PHRF1: variants seen among roughly 807,000 people sequenced by gnomAD.
PHRF1 encodes the protein PHD and ring finger domains 1.
Under a neutral mutation model 128.9 loss-of-function variants are expected in PHRF1, and 53 were observed. That is an observed-to-expected ratio of 0.41 (90% CI 0.33 to 0.52). The LOEUF (loss-of-function observed/expected upper bound fraction) is 0.52, where lower values mean the gene tolerates loss of function less well. PHRF1 is among the 20% of genes least tolerant of loss of function. The probability of loss-of-function intolerance (pLI) is 0.21; values close to 1 mark genes in which losing one functional copy is unlikely to be tolerated. For synonymous variants in PHRF1, 1,178 were observed against 980.6 expected, an observed-to-expected ratio of 1.20 and a Z score of -3.76; for missense variants, 2,503 against 2,284.5, an observed-to-expected ratio of 1.10 and a Z score of -1.95.
At chr11:589,088 A>T (rs1346917955) in intron 4 of PHRF1, among the ~76,000 whole-genome samples, 1 of 151,828 alleles carries the variant, frequency 6.6e-6, no homozygotes, top group Non-Finnish European at 1.5e-5. Flanking sequence ...GTGAGCTGAG[A>T]TTGCACCACT....
intron 3 of PHRF1, among the ~76,000 whole-genome samples, chr11:586,078 C>T (rs1168420634): frequency 6.6e-6 from 1 of 152,156 alleles, no homozygotes; most frequent in Non-Finnish European, 1.5e-5. Context: ...CCAGGCTGGT[C>T]TCAAACCCCT....
Position 598,508 on chromosome 11 carries a change from C to A in PHRF1, c.1024+6C>A. 5.6e-6 allele frequency: 9 copies of A among 1,605,872 alleles called. No individual in the cohort carries two copies. The highest frequency in any genetic ancestry group is 7.6e-6 in the Non-Finnish European group (9 of 1,178,306). ...CCGACGGAAGAGGAAGACAAGTAAG[C>A]CTGAAGGGATGGACTCTCCCGCCAG... On this transcript the variant is annotated splice_donor_region_variant and intron_variant, in intron 9 of 17. Transcript: ENST00000264555.
At chr11:605,322 C>T in intron 11 of PHRF1, 22 bp downstream of exon 11, 2 of 1,606,802 alleles carry the variant, frequency 1.2e-6, no homozygotes, top group South Asian at 1.1e-5. Context: ...GGTGATGGTC[C>T]TGCCTGGGCA....
At chr11:600,558 C>T (rs188198883) in intron 9 of PHRF1, among the ~76,000 whole-genome samples, 141 of 150,394 alleles carry the variant, frequency 9.4e-4, no homozygotes, top group African/African-American at 3.3e-3. Flanking sequence ...ACGCCGGGCA[C>T]AGTGGCTCGC....
At position 581,563 on chromosome 11, in the gene PHRF1, T is replaced by G. The variant is rs754500332; in HGVS notation, c.51T>G (p.Asp17Glu). The G allele has an allele frequency of 1.2e-6, 2 of 1,613,468 alleles. No individual in the cohort carries two copies. The highest frequency in any genetic ancestry group is 3.3e-5 in the Admixed American group (2 of 59,996). The change falls in exon 2 of 18, where the codon GAT becomes GAG. Residue 17 changes from aspartate to glutamate, a missense_variant. Transcript: ENST00000264555. The part of the protein sequence containing the change: ...DELVARSPGP[D>E]GHPQVGPADP... ...TTGTGGCCCGGAGCCCAGGGCCGGATGGACACCCACAGGTCGGCCCTGCGG... is the reference window on the plus strand; with the variant it reads ...TTGTGGCCCGGAGCCCAGGGCCGGAGGGACACCCACAGGTCGGCCCTGCGG...
rs1564862009 is a variant in PHRF1 at position 606,577 on chromosome 11, C to T, written c.1590C>T (p.Ser530=). 6.2e-7 allele frequency: 1 copy of T among 1,607,106 alleles called. No homozygotes were observed. The highest frequency in any genetic ancestry group is 8.5e-7 in the Non-Finnish European group (1 of 1,177,566). ...SSDVIIHRDG[S]LSAKRAAPVS... ...ATGTCATCATCCACCGCGACGGCTC[C>T]CTCAGCGCCAAGAGGGCGGGTGAGT... Residue 530 remains serine, a synonymous_variant, in exon 13 of 18, where the codon TCC becomes TCT. Coordinates refer to ENST00000264555, the MANE Select transcript of PHRF1 (RefSeq NM_001286581.2).
intron 12 of PHRF1, among the ~76,000 whole-genome samples, 178 bp from the exon 13 acceptor site, chr11:606,263 TC>T: frequency 6.6e-6 from 1 of 151,442 alleles, no homozygotes; most frequent in Non-Finnish European, 1.5e-5. Flanking sequence ...CCTCCCTCCC[TC>T]TGGGAGGCCC....
In PHRF1 at chr11:609,654, G is replaced by A. The variant is rs1856229561; in HGVS notation, c.4198G>A (p.Val1400Met). Reference sequence around the variant, plus strand: ...CCCCCTGCTGCGGTCCAGAGCCCTGGTGAAGCGGGTCACCTGGAACCTGCA... The same window carrying A: ...CCCCCTGCTGCGGTCCAGAGCCCTGATGAAGCGGGTCACCTGGAACCTGCA... ...QTPLLRSRAL[V>M]KRVTWNLQES... is the part of the protein sequence containing the mutation. The change falls in exon 14 of 18, where the codon GTG (valine) becomes ATG (methionine). Residue 1400 changes from valine (V) to methionine (M), a missense_variant. Transcript: ENST00000264555. 6.4e-7 allele frequency: 1 copy of A among 1,566,180 alleles called. No homozygotes were observed. The highest frequency in any genetic ancestry group is 8.6e-7 in the Non-Finnish European group (1 of 1,158,302).
rs1266457324 is a variant in PHRF1 at position 608,853 on chromosome 11, T to C, written c.3397T>C (p.Cys1133Arg). The C allele has an allele frequency of 6.2e-7, 1 of 1,612,274 alleles. No homozygotes were observed. The highest frequency in any genetic ancestry group is 8.5e-7 in the Non-Finnish European group (1 of 1,179,792). ...CSPTSSLERL[C>R]RHKHQRERSH... ...CCCCACCAGCAGCCTGGAGAGGCTC[T>C]GCAGGCACAAGCATCAGCGGGAACG... The change falls in exon 14 of 18, where the codon TGC becomes CGC. Residue 1133 changes from cysteine to arginine, a missense_variant. Cys to Arg is a radical substitution (Grantham distance 180). Transcript: ENST00000264555.
chr11:597,641 G>T lies in PHRF1; in HGVS notation c.894+71G>T. 9.6e-6 allele frequency: 14 copies of T among 1,454,674 alleles called. No homozygotes were observed. The highest frequency in any genetic ancestry group is 2.5e-5 in the East Asian group (1 of 39,756). 90.1% of individuals were successfully genotyped at this position (1,454,674 alleles called of 1,614,324 possible). The stretch of plus-strand genomic sequence containing the variant: ...AGAGTGATCTCGGCAGTCTGGGTGG[G>T]TGGGAGGGGCGTCGTCGGCACTGTG... On this transcript the variant is annotated intron_variant, in intron 8 of 17. Coordinates refer to ENST00000264555, the MANE Select transcript of PHRF1 (RefSeq NM_001286581.2). This position sits in a 1 kb window ranked among gnomAD's most constrained non-coding sequence, Gnocchi z 6.5.
Position 609,737 on chromosome 11 carries a change from C to A in PHRF1, c.4264+17C>A. 16 of 1,439,060 alleles carry A rather than the reference C, an allele frequency of 1.1e-5. No individual in the cohort carries two copies. Among genetic ancestry groups the A allele is most frequent in the Non-Finnish European group, 1.5e-5 (16 of 1,093,860 alleles). 89.1% of individuals were successfully genotyped at this position (1,439,060 alleles called of 1,614,324 possible). On this transcript the variant is annotated intron_variant, in intron 14 of 17. Transcript: ENST00000264555. ...GAGCCCCCCGTGAGTAGTGCCCCGG[C>A]CCCCACCGAGGACAGAGCCCCCAGT...
chr11:605,487 T>C, intron 11 of PHRF1, 118 bp from the exon 12 acceptor site: 1 of 1,511,038 alleles, frequency 6.6e-7, no homozygotes, highest in East Asian at 2.3e-5. Flanking sequence ...GGGGCCCGAA[T>C]CACACGTGCC....
Position 597,365 on chromosome 11 carries a change from T to TG in PHRF1, c.719-28dup. ...GGGGGAGGCGTGTGGCCTGTGAGTGTGGCACATCAGCCCTGGTGGTTCTTC... is the reference window on the plus strand; with the variant it reads ...GGGGGAGGCGTGTGGCCTGTGAGTGTGGGCACATCAGCCCTGGTGGTTCTTC... On this transcript the variant is annotated intron_variant, in intron 7 of 17. Coordinates refer to ENST00000264555, the MANE Select transcript of PHRF1 (RefSeq NM_001286581.2). This position sits in a 1 kb window ranked among gnomAD's most constrained non-coding sequence, Gnocchi z 6.5. 6.3e-7 allele frequency: 1 copy of TG among 1,599,558 alleles called. No homozygotes were observed. Among genetic ancestry groups the TG allele is most frequent in the Non-Finnish European group, 8.5e-7 (1 of 1,171,720 alleles).
chr11:578,682 C>T (rs936600287), intron 1 of PHRF1, among the ~76,000 whole-genome samples: 2 of 152,186 alleles, frequency 1.3e-5, no homozygotes, highest in Admixed American at 6.5e-5. Flanking sequence ...CTTTGCACCT[C>T]AGACTCCCGA....
In PHRF1 at chr11:598,391, G is replaced by T. The variant is rs772887937; in HGVS notation, c.913G>T (p.Gly305Trp). Residue 305 changes from glycine (G) to tryptophan (W), a missense_variant, in exon 9 of 18, where the codon GGG becomes TGG. By Grantham distance (184) the Gly-to-Trp change is radical. Transcript: ENST00000264555. ...CCTGTAGCACACACCAGGGCGCCTC[G>T]GGTCTTCCCTGCTGGATGAAGCCAT... ...RRVQHTPGRL[G>W]SSLLDEAIEA... 5.6e-6 allele frequency: 9 copies of T among 1,609,950 alleles called. No individual in the cohort carries two copies. The highest frequency in any genetic ancestry group is 2.2e-5 in the South Asian group (2 of 91,070).
chr11:598,635 CACT>C, intron 9 of PHRF1, 133 bp downstream of exon 9: 1 of 1,367,766 alleles, frequency 7.3e-7, no homozygotes, highest in South Asian at 1.5e-5. Context: ...CTGCTGAAAA[CACT>C]ACACAGAAGC....
chr11:589,422 A>G (rs1289014704), intron 4 of PHRF1, among the ~76,000 whole-genome samples: 1 of 152,204 alleles, frequency 6.6e-6, no homozygotes. Context: ...ACAGGAAGGC[A>G]CCAAGAATTG....
chr11:595,610 G>A (rs1419419862), intron 6 of PHRF1, among the ~76,000 whole-genome samples: 1 of 152,192 alleles, frequency 6.6e-6, no homozygotes, highest in Admixed American at 6.5e-5. Flanking sequence ...TAAACTTGCA[G>A]CCAATCTCCT....
intron 1 of PHRF1, among the ~76,000 whole-genome samples, chr11:577,543 C>T (rs1312693814): frequency 1.3e-5 from 2 of 152,276 alleles, no homozygotes; most frequent in African/African-American, 2.4e-5. Context: ...GGCACCTCAG[C>T]ATCATGGCCA....
Sources: gnomAD v4.1 joint callset for allele counts (sites outside exome capture counted in the v4.1 genomes callset) on GRCh38, gnomAD v4.1.1 for gene constraint, Gnocchi (gnomAD v3.1) non-coding constraint, MANE v1.5 for transcripts, NCBI Gene and HGNC (gene_info 2026-07-23, HGNC 2026-07-21) for gene names.